Variants in CSMD1 observed in about 807,000 individuals in gnomAD.
CSMD1 encodes the protein CUB and sushi domain-containing protein 1.
A neutral mutation model predicts 417.5 loss-of-function variants in CSMD1; 213 were observed. The ratio of observed to expected loss-of-function variants is 0.51; its 90% CI spans 0.46 to 0.57. CSMD1 has a LOEUF of 0.57. CSMD1 is among the 20% of genes least tolerant of loss of function. The pLI, the probability that CSMD1 is intolerant of heterozygous loss-of-function variation, is 0.00. For missense variants in CSMD1, 6,923 were observed against 4,529.7 expected, an observed-to-expected ratio of 1.53 and a Z score of -15.17; for synonymous variants, 2,862 against 1,736.8, an observed-to-expected ratio of 1.65 and a Z score of -16.11.
chr8:3,926,100 C>CAAACACCATACAG (rs1554488627), intron 5 of CSMD1, among the ~76,000 whole-genome samples: 6 of 75,326 alleles, frequency 8.0e-5, no homozygotes, highest in African/African-American at 3.2e-4. Context: ...CACACACACA[C>CAAACACCATACAG]ACACACACAC....
At chr8:3,384,586 A>G (rs1039858230) in intron 18 of CSMD1, among the ~76,000 whole-genome samples, 1 of 148,790 alleles carries the variant, frequency 6.7e-6, no homozygotes, top group African/African-American at 2.5e-5. Context: ...ATCCATTTGG[A>G]GCATTTCTTT....
At chr8:2,969,502 A>T (rs1407104423) in intron 57 of CSMD1, among the ~76,000 whole-genome samples, 1 of 152,228 alleles carries the variant, frequency 6.6e-6, no homozygotes, top group African/African-American at 2.4e-5. Context: ...TGAAGAATTT[A>T]AAAAGATTTT....
intron 1 of CSMD1, among the ~76,000 whole-genome samples, chr8:4,979,954 T>G (rs1434489617): frequency 2.0e-5 from 3 of 151,998 alleles, no homozygotes; most frequent in Non-Finnish European, 4.4e-5. Flanking sequence ...AGGAGAATGG[T>G]GTGAACCTGG....
intron 49 of CSMD1, among the ~76,000 whole-genome samples, chr8:3,076,492 G>C (rs2129001138): frequency 6.6e-6 from 1 of 152,306 alleles, no homozygotes; most frequent in African/African-American, 2.4e-5. Context: ...ACACCAAGTA[G>C]CAGGCAGAAC....
chr8:3,333,119 G>T (rs375737286), intron 23 of CSMD1, among the ~76,000 whole-genome samples: 6 of 152,162 alleles, frequency 3.9e-5, no homozygotes, highest in Non-Finnish European at 7.4e-5. Flanking sequence ...GGGAGTCTCA[G>T]TCTGACCACT....
intron 3 of CSMD1, among the ~76,000 whole-genome samples, chr8:4,079,235 G>A (rs1312231808): frequency 6.6e-6 from 1 of 152,258 alleles, no homozygotes; most frequent in East Asian, 1.9e-4. Context: ...ACAACTGAAT[G>A]AGTAGATATA....
chr8:4,164,121 T>C (rs574781917), intron 3 of CSMD1, among the ~76,000 whole-genome samples: 1,952 of 152,042 alleles, frequency 0.013, 116 homozygotes, highest in Admixed American at 0.1. Flanking sequence ...TTTTAAATTT[T>C]ATTATACCTG....
intron 41 of CSMD1, among the ~76,000 whole-genome samples, chr8:3,119,609 T>A (rs1411375565): frequency 6.6e-6 from 1 of 152,180 alleles, no homozygotes; most frequent in Non-Finnish European, 1.5e-5. Flanking sequence ...AAATCAGGTA[T>A]CATCTGATAC....
intron 37 of CSMD1, among the ~76,000 whole-genome samples, chr8:3,180,580 G>C (rs1164508526): frequency 6.6e-6 from 1 of 152,036 alleles, no homozygotes; most frequent in Non-Finnish European, 1.5e-5. Flanking sequence ...AATTACTTGA[G>C]ATTTGAACTT....
rs1293565708 is a variant in CSMD1 at position 3,772,563 on chromosome 8, A to ATATATACATATATACACATATATT, written c.819-18545_819-18522dup. Among the ~76,000 whole-genome samples, 10 of 123,426 alleles carry ATATATACATATATACACATATATT rather than the reference A, an allele frequency of 8.1e-5. 1 individual carries two copies. Among genetic ancestry groups the ATATATACATATATACACATATATT allele is most frequent in the African/African-American group, 1.5e-4 (5 of 32,860 alleles). 81.0% of individuals were successfully genotyped at this position (123,426 alleles called of 152,430 possible). On this transcript the variant is annotated intron_variant, in intron 5 of 69. Transcript: ENST00000635120. ...TATACACATATATACATATATACAT[A>ATATATACATATATACACATATATT]TATATACATATATACACATATATTT...
intron 7 of CSMD1, among the ~76,000 whole-genome samples, chr8:3,686,322 G>GGAAGTGAAGA (rs1799941750): frequency 6.6e-6 from 1 of 152,124 alleles, no homozygotes; most frequent in Admixed American, 6.6e-5. Context: ...GTGACTTTCA[G>GGAAGTGAAGA]GAAGCGCCTT....
At chr8:4,252,983 T>C (rs1247612331) in intron 3 of CSMD1, among the ~76,000 whole-genome samples, 2 of 152,316 alleles carry the variant, frequency 1.3e-5, no homozygotes, top group South Asian at 2.1e-4. Flanking sequence ...AGTAAGCCTA[T>C]GAGTTTTAAA....
At chr8:4,261,701 C>G (rs189737484) in intron 3 of CSMD1, among the ~76,000 whole-genome samples, 3 of 152,080 alleles carry the variant, frequency 2.0e-5, no homozygotes, top group African/African-American at 7.2e-5. Flanking sequence ...TGAGTCACCT[C>G]TTCTGGCTGA....
intron 11 of CSMD1, among the ~76,000 whole-genome samples, chr8:3,490,847 C>A (rs187356909): frequency 6.6e-6 from 1 of 151,564 alleles, no homozygotes; most frequent in Admixed American, 6.6e-5. Context: ...AGATGTAGGA[C>A]TCTGTTTTTA....
chr8:3,301,814 G>C (rs73171133), intron 25 of CSMD1, among the ~76,000 whole-genome samples: 1,866 of 152,230 alleles, frequency 0.012, 17 homozygotes, highest in Non-Finnish European at 0.021. Flanking sequence ...GGATGGATTT[G>C]GGAAGGTCAG....
At chr8:4,686,132 A>G (rs1806368454) in intron 1 of CSMD1, among the ~76,000 whole-genome samples, 1 of 152,092 alleles carries the variant, frequency 6.6e-6, no homozygotes, top group African/African-American at 2.4e-5. Flanking sequence ...TGAGATGCCA[A>G]ATTATGTGCT....
chr8:4,671,574 A>G (rs1227238052), intron 1 of CSMD1, among the ~76,000 whole-genome samples: 1 of 152,204 alleles, frequency 6.6e-6, no homozygotes, highest in Non-Finnish European at 1.5e-5. Flanking sequence ...TTCACCAGAC[A>G]CTTTGAATAG....
At chr8:4,128,139 C>G (rs1519173) in intron 3 of CSMD1, among the ~76,000 whole-genome samples, 3 of 152,128 alleles carry the variant, frequency 2.0e-5, no homozygotes, top group African/African-American at 7.2e-5. Flanking sequence ...ACTCCCACCC[C>G]CACCTCTGGA....
chr8:4,306,195 C>T (rs369485053), intron 3 of CSMD1, among the ~76,000 whole-genome samples: 3 of 152,158 alleles, frequency 2.0e-5, no homozygotes, highest in Non-Finnish European at 4.4e-5. Flanking sequence ...TGCATTAAAA[C>T]GCTAGTGTGC....
Sources: allele counts gnomAD v4.1 joint callset (sites outside exome capture counted in the v4.1 genomes callset), GRCh38; gene constraint gnomAD v4.1.1; transcripts MANE v1.5; gene names NCBI Gene and HGNC (gene_info 2026-07-23, HGNC 2026-07-21).